SEMA3E: variants seen among roughly 807,000 people sequenced by gnomAD.
SEMA3E encodes the protein semaphorin-3E.
SEMA3E carries 49 observed loss-of-function variants against 93.6 expected under a neutral mutation model. That is an observed-to-expected ratio of 0.52 (90% CI 0.42 to 0.66). The LOEUF is 0.66. SEMA3E is among the 30% of genes least tolerant of loss of function. The pLI is 0.00. For synonymous variants in SEMA3E, 363 were observed against 330.7 expected, an observed-to-expected ratio of 1.10 and a Z score of -1.06; for missense variants, 906 against 964.8, an observed-to-expected ratio of 0.94 and a Z score of 0.81.
chr7:83,381,612 C>T (rs1487924492), intron 16 of SEMA3E, among the ~76,000 whole-genome samples: 1 of 151,564 alleles, frequency 6.6e-6, no homozygotes, highest in African/African-American at 2.4e-5. Flanking sequence ...ATTTTCTTTC[C>T]ACATTCTTCA....
rs1199797703 is a variant in SEMA3E, at chr7:83,420,910, T to C, written c.457-2427A>G. On this transcript the variant is annotated intron_variant, in intron 4 of 16. Transcript: ENST00000643230. ...GGATATACTCTTCTTGATATTAGCC[T>C]TAGCAAAGAGTTTTTGACTTAGTCC... 1.4e-5 allele frequency among the ~76,000 whole-genome samples: 2 copies of C among 143,768 alleles called. 1 individual carries two copies. The highest frequency in any genetic ancestry group is 5.0e-5 in the African/African-American group (2 of 40,266). 94.3% of individuals were successfully genotyped at this position (143,768 alleles called of 152,430 possible).
intron 1 of SEMA3E, among the ~76,000 whole-genome samples, chr7:83,631,184 G>A (rs975083611): frequency 3.3e-5 from 5 of 151,736 alleles, no homozygotes; most frequent in African/African-American, 9.7e-5. Flanking sequence ...GAAGAAAGAC[G>A]GTTTTGTTTC....
chr7:83,536,298 T>A (rs57304668), intron 1 of SEMA3E, among the ~76,000 whole-genome samples: 28,496 of 151,992 alleles, frequency 0.19, 2,941 homozygotes, highest in Middle Eastern at 0.37. Flanking sequence ...ATGGAATGAA[T>A]TTAGTTGGCC....
At chr7:83,418,339 G>T in intron 5 of SEMA3E, 51 bp downstream of exon 5, 2 of 1,271,428 alleles carry the variant, frequency 1.6e-6, no homozygotes, top group Non-Finnish European at 2.3e-6. Context: ...TGAAATATAT[G>T]TTTTAAAATC....
chr7:83,441,590 A>G (rs1321984689), intron 4 of SEMA3E, among the ~76,000 whole-genome samples: 1 of 152,200 alleles, frequency 6.6e-6, no homozygotes. Flanking sequence ...CTATTTGCCA[A>G]GTAGTATTCT....
intron 1 of SEMA3E, among the ~76,000 whole-genome samples, chr7:83,544,302 A>G (rs1344907844): frequency 6.6e-6 from 1 of 152,116 alleles, no homozygotes; most frequent in Non-Finnish European, 1.5e-5. Context: ...GAACAAATCC[A>G]TTATATATTA....
At chr7:83,546,322 GT>G (rs1246211794) in intron 1 of SEMA3E, among the ~76,000 whole-genome samples, 18 of 5,488 alleles carry the variant, frequency 3.3e-3, no homozygotes, top group African/African-American at 0.011. Context: ...ATAATAAGGG[GT>G]GTGTGTGTGT....
intron 16 of SEMA3E, among the ~76,000 whole-genome samples, chr7:83,369,396 G>T (rs1794720589): frequency 6.6e-6 from 1 of 152,132 alleles, no homozygotes; most frequent in Non-Finnish European, 1.5e-5. Flanking sequence ...CACAAACCAC[G>T]ATTTGTGGAA....
At chr7:83,483,616 G>T (rs1790193244) in intron 2 of SEMA3E, among the ~76,000 whole-genome samples, 1 of 152,072 alleles carries the variant, frequency 6.6e-6, no homozygotes, top group South Asian at 2.1e-4. Flanking sequence ...GACAGAAAAA[G>T]AAGAAATAAT....
At chr7:83,410,313 T>C (rs1788413335) in intron 5 of SEMA3E, among the ~76,000 whole-genome samples, 1 of 152,026 alleles carries the variant, frequency 6.6e-6, no homozygotes, top group Admixed American at 6.6e-5. Flanking sequence ...TCAAATTTCT[T>C]TGTATTTGAA....
chr7:83,453,879 T>C (rs977267997), intron 4 of SEMA3E, among the ~76,000 whole-genome samples: 16 of 152,126 alleles, frequency 1.1e-4, no homozygotes, highest in African/African-American at 3.6e-4. Flanking sequence ...ATATTTATTC[T>C]ATTAAATTGG....
At chr7:83,483,445 A>T (rs1242168707) in intron 2 of SEMA3E, among the ~76,000 whole-genome samples, 1 of 152,160 alleles carries the variant, frequency 6.6e-6, no homozygotes, top group Non-Finnish European at 1.5e-5. Flanking sequence ...TGTATTAAAA[A>T]TATTTATAGT....
intron 2 of SEMA3E, among the ~76,000 whole-genome samples, chr7:83,478,213 G>T (rs969173842): frequency 6.6e-6 from 1 of 152,080 alleles, no homozygotes; most frequent in Non-Finnish European, 1.5e-5. Flanking sequence ...GTGAGCCACC[G>T]TGCCGGGCCC....
intron 1 of SEMA3E, among the ~76,000 whole-genome samples, chr7:83,619,904 C>A (rs200173791): frequency 6.8e-6 from 1 of 148,040 alleles, no homozygotes; most frequent in Non-Finnish European, 1.5e-5. Context: ...GATAGATAGA[C>A]AGATAGATAG....
At chr7:83,538,788 C>T (rs1791460662) in intron 1 of SEMA3E, among the ~76,000 whole-genome samples, 1 of 152,142 alleles carries the variant, frequency 6.6e-6, no homozygotes, top group South Asian at 2.1e-4. Flanking sequence ...AGTCTCCTCT[C>T]AATATATTTT....
At position 83,458,594 on chromosome 7, in the gene SEMA3E, G is replaced by GA. The variant is rs1330000785; in HGVS notation, c.456+7887dup. On this transcript the variant is annotated intron_variant, in intron 4 of 16. Transcript: ENST00000643230. ...AATGAAAGGTAGTGCCTGGAAAGTT[G>GA]AAAAAGGTAACTACTGCCCATTGCA... is the stretch of plus-strand genomic sequence containing the variant. Among the ~76,000 whole-genome samples, 10 of 151,712 alleles carry GA rather than the reference G, an allele frequency of 6.6e-5. No individual in the cohort carries two copies. The East Asian group carries it at 1.9e-3, about 29-fold the overall frequency.
intron 2 of SEMA3E, among the ~76,000 whole-genome samples, chr7:83,483,401 A>G (rs983795503): frequency 6.6e-6 from 1 of 152,188 alleles, no homozygotes; most frequent in Non-Finnish European, 1.5e-5. Context: ...ATGTGTCATC[A>G]TATCATAAAT....
chr7:83,532,788 A>ATTT (rs758186118), intron 1 of SEMA3E, among the ~76,000 whole-genome samples: 3,451 of 137,318 alleles, frequency 0.025, 49 homozygotes, highest in African/African-American at 0.035. Context: ...TTTTTTTTTA[A>ATTT]AAAAAGAAAG....
At chr7:83,389,693 T>A (rs1306737737) in intron 14 of SEMA3E, among the ~76,000 whole-genome samples, 1 of 150,494 alleles carries the variant, frequency 6.6e-6, no homozygotes, top group African/African-American at 2.4e-5. Context: ...ATTACATGTA[T>A]ACATACACAC....
Sources: gnomAD v4.1 joint callset for allele counts (sites outside exome capture counted in the v4.1 genomes callset) on GRCh38, gnomAD v4.1.1 for gene constraint, MANE v1.5 for transcripts, NCBI Gene and HGNC (gene_info 2026-07-23, HGNC 2026-07-21) for gene names.